MASP1: variants seen among roughly 807,000 people sequenced by gnomAD.
MASP1 encodes the protein mannan-binding lectin serine protease 1.
A neutral mutation model predicts 77.1 loss-of-function variants in MASP1; 59 were observed. That is an observed-to-expected ratio of 0.77 (90% CI 0.62 to 0.95). The LOEUF (loss-of-function observed/expected upper bound fraction) is 0.95. MASP1 is among the 40% of genes least tolerant of loss of function. The probability of loss-of-function intolerance (pLI) is 0.00; values close to 1 mark genes in which losing one functional copy is unlikely to be tolerated. For missense variants in MASP1, 885 were observed against 912.9 expected, an observed-to-expected ratio of 0.97 and a Z score of 0.39; for synonymous variants, 362 against 354.5, an observed-to-expected ratio of 1.02 and a Z score of -0.24.
At chr3:187,221,099 C>G (rs1712033614) in exon 15 of MASP1, 1 of 1,614,044 alleles carries the variant, frequency 6.2e-7, no homozygotes, top group Non-Finnish European at 8.5e-7. Context: ...CATAAGCCTT[C>G]TGGCAGGTGC....
chr3:187,260,600 C>T, intron 4 of MASP1, 141 bp downstream of exon 4: 1 of 1,174,294 alleles, frequency 8.5e-7, no homozygotes, highest in Non-Finnish European at 1.2e-6. Flanking sequence ...TCTGCATCTT[C>T]ATCCATGTGG....
chr3:187,282,095 A>T (rs1717464294), intron 2 of MASP1, among the ~76,000 whole-genome samples: 1 of 152,162 alleles, frequency 6.6e-6, no homozygotes, highest in African/African-American at 2.4e-5. Flanking sequence ...TTCAAGCCAT[A>T]ATCCCTCAAG....
intron 9 of MASP1, chr3:187,241,853 A>T: frequency 2.9e-6 from 1 of 344,306 alleles, no homozygotes; most frequent in South Asian, 2.6e-5. Context: ...TGCAACATGA[A>T]GGATCTTTCT....
rs1198957619 is a variant in MASP1, at chr3:187,234,208, C to T, written c.*1476G>A. 3.9e-6 allele frequency: 5 copies of T among 1,287,076 alleles called. No homozygotes were observed. Among genetic ancestry groups the T allele is most frequent in the African/African-American group, 3.0e-5 (2 of 65,794 alleles). 79.7% of individuals were successfully genotyped at this position (1,287,076 alleles called of 1,614,324 possible). On this transcript the variant is annotated 3_prime_UTR_variant, in exon 11 of 11. Transcript: ENST00000296280. Reference sequence around the variant, plus strand: ...CAAAATATAACATCATTTACATGTGCCATTCATAGACAAAGGAGTGTGTTT... The same window carrying T: ...CAAAATATAACATCATTTACATGTGTCATTCATAGACAAAGGAGTGTGTTT...
At chr3:187,232,481 G>T (rs1293799968), downstream of MASP1, among the ~76,000 whole-genome samples, 3 of 152,082 alleles carry the variant, frequency 2.0e-5, no homozygotes, top group Non-Finnish European at 4.4e-5. Context: ...AACTCTTCCA[G>T]CTCAGTGAAT....
rs575428923 is a variant in MASP1, at chr3:187,235,028, T to C, written c.*656A>G. On this transcript the variant is annotated 3_prime_UTR_variant, in exon 11 of 11. Coordinates refer to ENST00000296280, the MANE Select transcript of MASP1 (RefSeq NM_139125.4). ...GCACAAACCTTCCCAACTTTCTCCA[T>C]GTCTTTTGAAATTCCTTTAATGGGG... The C allele has an allele frequency of 2.3e-6, 3 of 1,287,114 alleles. No homozygotes were observed. The African/African-American group carries it at 4.6e-5, about 20-fold the overall frequency. The allele number at this position is 1,287,114 out of a possible 1,614,324, so 79.7% of individuals were successfully genotyped here. A position where few individuals can be genotyped will look rare whatever the true frequency, so the allele number is the denominator to read the frequency against.
In MASP1 at chr3:187,235,353, AG is replaced by A; in HGVS notation, c.*330del. On this transcript the variant is annotated 3_prime_UTR_variant, in exon 11 of 11. Coordinates refer to ENST00000296280, the MANE Select transcript of MASP1 (RefSeq NM_139125.4). ...TTGATAAGTGGTCAGGAGTGAATAAAGGCCACTGGGGTAAGAAGCATGGCCT... is the reference window on the plus strand; with the variant it reads ...TTGATAAGTGGTCAGGAGTGAATAAAGCCACTGGGGTAAGAAGCATGGCCT... 7.1e-7 allele frequency: 1 copy of A among 1,398,890 alleles called. No individual in the cohort carries two copies. The highest frequency in any genetic ancestry group is 9.4e-7 in the Non-Finnish European group (1 of 1,060,986). 86.7% of individuals were successfully genotyped at this position (1,398,890 alleles called of 1,614,324 possible).
chr3:187,239,777 A>G (rs961510747), intron 10 of MASP1, among the ~76,000 whole-genome samples: 3 of 152,292 alleles, frequency 2.0e-5, no homozygotes, highest in East Asian at 3.9e-4. Flanking sequence ...CCACATCCTC[A>G]TAAGTTTTTC....
intron 12 of MASP1, chr3:187,226,307 G>T: frequency 1.1e-6 from 1 of 871,858 alleles, no homozygotes; most frequent in South Asian, 1.4e-5. Flanking sequence ...TGACAAATGA[G>T]TGAGCGAGTG....
intron 4 of MASP1, among the ~76,000 whole-genome samples, chr3:187,257,746 T>A (rs550212104): frequency 2.0e-5 from 3 of 150,734 alleles, no homozygotes; most frequent in Non-Finnish European, 4.4e-5. Context: ...GCAACCTAAC[T>A]GGATTTTTAA....
chr3:187,269,265 A>G (rs1716320485), intron 2 of MASP1, among the ~76,000 whole-genome samples: 1 of 152,128 alleles, frequency 6.6e-6, no homozygotes, highest in Non-Finnish European at 1.5e-5. Context: ...TCAAAGTAGG[A>G]AGACCTATTT....
downstream of MASP1, chr3:187,229,928 T>C (rs1372574746): frequency 6.2e-7 from 1 of 1,613,390 alleles, no homozygotes; most frequent in Admixed American, 1.7e-5. Context: ...GAGAGACAGA[T>C]CAGACTCTGG....
downstream of MASP1, among the ~76,000 whole-genome samples, chr3:187,231,284 T>C (rs1165318280): frequency 6.6e-6 from 1 of 152,206 alleles, no homozygotes; most frequent in African/African-American, 2.4e-5. Flanking sequence ...ATTTTTCATC[T>C]CTCCTTATTC....
At chr3:187,246,484 C>T (rs762965831) in intron 8 of MASP1, 40 of 985,290 alleles carry the variant, frequency 4.1e-5, no homozygotes, top group Non-Finnish European at 4.6e-5. Flanking sequence ...CTCCCCTCAC[C>T]GCACAGCCAT....
intron 10 of MASP1, among the ~76,000 whole-genome samples, chr3:187,237,716 C>G (rs929576791): frequency 6.6e-6 from 1 of 152,270 alleles, no homozygotes; most frequent in Non-Finnish European, 1.5e-5. Flanking sequence ...TAAGAACATG[C>G]TTGCATGGCC....
At chr3:187,244,487 A>C (rs767115988) in intron 8 of MASP1, 2 of 152,182 alleles carry the variant, frequency 1.3e-5, no homozygotes, top group African/African-American at 4.8e-5. Flanking sequence ...AGGAAATCCT[A>C]ATCTTAGGTA....
chr3:187,230,542 G>A (rs962280363), downstream of MASP1, among the ~76,000 whole-genome samples: 2 of 152,166 alleles, frequency 1.3e-5, no homozygotes, highest in Admixed American at 6.5e-5. Flanking sequence ...AGCTAATAAA[G>A]AATCATTATG....
At chr3:187,230,329 G>A (rs1040233177), downstream of MASP1, among the ~76,000 whole-genome samples, 1 of 152,234 alleles carries the variant, frequency 6.6e-6, no homozygotes, top group African/African-American at 2.4e-5. Context: ...TTAAGAGTCT[G>A]CTGAGAATGA....
At chr3:187,279,163 G>A (rs1024490457) in intron 2 of MASP1, among the ~76,000 whole-genome samples, 5 of 152,206 alleles carry the variant, frequency 3.3e-5, no homozygotes, top group African/African-American at 9.6e-5. Flanking sequence ...CCTGAAATAC[G>A]TGTCTTTCTC....
Sources: allele counts gnomAD v4.1 joint callset (sites outside exome capture counted in the v4.1 genomes callset), GRCh38; gene constraint gnomAD v4.1.1; transcripts MANE v1.5; gene names NCBI Gene and HGNC (gene_info 2026-07-23, HGNC 2026-07-21).